Variants in TENM3 observed in about 807,000 individuals in gnomAD.
TENM3 encodes the protein teneurin-3.
TENM3 carries 63 observed loss-of-function variants against 255.1 expected under a neutral mutation model. That is an observed-to-expected ratio of 0.25 (90% CI 0.20 to 0.30). The LOEUF (loss-of-function observed/expected upper bound fraction) is 0.30, where lower values mean the gene tolerates loss of function less well. Ranked by LOEUF, TENM3 falls within the 10% of genes least tolerant of loss-of-function variation. The pLI, the probability that TENM3 is intolerant of heterozygous loss-of-function variation, is 1.00. For synonymous variants in TENM3, 1,306 were observed against 1,322.3 expected, an observed-to-expected ratio of 0.99 and a Z score of 0.27; for missense variants, 2,929 against 3,461.1, an observed-to-expected ratio of 0.85 and a Z score of 3.86.
intron 3 of TENM3, among the ~76,000 whole-genome samples, chr4:182,389,836 C>A (rs1768297066): frequency 6.6e-6 from 1 of 152,042 alleles, no homozygotes; most frequent in Non-Finnish European, 1.5e-5. Context: ...CAGGCGCCCG[C>A]CACCACTCCC....
intron 1 of TENM3, among the ~76,000 whole-genome samples, chr4:182,285,135 A>G (rs1380643976): frequency 6.6e-6 from 1 of 151,984 alleles, no homozygotes; most frequent in Non-Finnish European, 1.5e-5. Flanking sequence ...CTACTTTCCA[A>G]CGCTTTGATG....
At chr4:182,032,264 T>A in the TENM3 span, among the ~76,000 whole-genome samples, 2 of 152,204 alleles carry the variant, frequency 1.3e-5, no homozygotes, top group African/African-American at 4.8e-5. Context: ...TATGAAGGAA[T>A]GTTGAATTTT....
rs140810196 is a variant in TENM3, at chr4:182,442,217, A to G, written c.511+95288A>G. Among the ~76,000 whole-genome samples the G allele has an allele frequency of 1.2e-3, 183 of 152,360 alleles. 1 individual carries two copies. Among genetic ancestry groups the G allele is most frequent in the African/African-American group, 4.1e-3 (172 of 41,582 alleles). On this transcript the variant is annotated intron_variant, in intron 3 of 27. Coordinates refer to ENST00000511685, the MANE Select transcript of TENM3 (RefSeq NM_001080477.4). ...ACAAAGTCAGAAAATCCTGAAAAAC[A>G]CATTCTATATGACTATATCATGAAA...
At chr4:182,237,505 A>G (rs1269679487) in intron 1 of TENM3, among the ~76,000 whole-genome samples, 1 of 152,022 alleles carries the variant, frequency 6.6e-6, no homozygotes, top group African/African-American at 2.4e-5. Context: ...AGCTGAGACT[A>G]CAGGCACCCA....
chr4:182,144,129 C>G (rs562970127), upstream of TENM3: 256 of 152,440 alleles, frequency 1.7e-3, 2 homozygotes, highest in Admixed American at 5.5e-3. Context: ...CGTGATTGGG[C>G]TCTCCCGCGA....
chr4:182,716,739 G>A lies in TENM3; in HGVS notation c.2368+2506G>A, dbSNP rs113457867. 3.2e-3 allele frequency among the ~76,000 whole-genome samples: 480 copies of A among 152,290 alleles called. 1 individual carries two copies. Among genetic ancestry groups the A allele is most frequent in the African/African-American group, 0.011 (454 of 41,552 alleles). The stretch of plus-strand genomic sequence containing the variant: ...TGAAGACAGTCGAACAGAATGTTTA[G>A]GAACTATAAATCCACTCCTTATTTA... On this transcript the variant is annotated intron_variant, in intron 13 of 27. Coordinates refer to ENST00000511685, the MANE Select transcript of TENM3 (RefSeq NM_001080477.4).
chr4:181,979,399 A>G, the TENM3 span, among the ~76,000 whole-genome samples: 1 of 151,850 alleles, frequency 6.6e-6, no homozygotes. Context: ...TTCCCCCATC[A>G]AGGCAATTAT....
At chr4:181,837,524 G>T in the TENM3 span, among the ~76,000 whole-genome samples, 1 of 152,132 alleles carries the variant, frequency 6.6e-6, no homozygotes, top group South Asian at 2.1e-4. Context: ...TTAATTGCTA[G>T]ACTGTGCTGC....
At chr4:181,947,474 C>A in the TENM3 span, among the ~76,000 whole-genome samples, 1 of 152,088 alleles carries the variant, frequency 6.6e-6, no homozygotes, top group African/African-American at 2.4e-5. Context: ...TCTATTCTTC[C>A]CGTTTACTCT....
At chr4:182,388,867 T>C (rs1437878816) in intron 3 of TENM3, among the ~76,000 whole-genome samples, 3 of 152,210 alleles carry the variant, frequency 2.0e-5, no homozygotes, top group Non-Finnish European at 4.4e-5. Flanking sequence ...TTGTTGGCTC[T>C]GCAACAAGAG....
chr4:182,286,956 G>A (rs973883663), intron 1 of TENM3, among the ~76,000 whole-genome samples: 21 of 152,170 alleles, frequency 1.4e-4, no homozygotes, highest in African/African-American at 1.7e-4. Flanking sequence ...GACCAGGCAC[G>A]GTGGCTGACA....
chr4:182,646,479 C>G (rs971814196), intron 5 of TENM3, among the ~76,000 whole-genome samples: 1 of 152,176 alleles, frequency 6.6e-6, no homozygotes, highest in Non-Finnish European at 1.5e-5. Context: ...TGGCGACTCA[C>G]TCCTGTAATC....
At chr4:182,392,196 T>C (rs1161104284) in intron 3 of TENM3, among the ~76,000 whole-genome samples, 1 of 152,224 alleles carries the variant, frequency 6.6e-6, no homozygotes, top group East Asian at 1.9e-4. Flanking sequence ...GTTCTTCCTC[T>C]AAGCGGCTCT....
the TENM3 span, among the ~76,000 whole-genome samples, chr4:182,082,643 G>A: frequency 1.3e-5 from 2 of 152,176 alleles, no homozygotes; most frequent in African/African-American, 4.8e-5. Context: ...AAACAGAAGA[G>A]CTGCTACCTT....
the TENM3 span, among the ~76,000 whole-genome samples, chr4:182,028,815 T>TA: frequency 6.6e-6 from 1 of 152,184 alleles, no homozygotes; most frequent in African/African-American, 2.4e-5. Flanking sequence ...AGATGCTTGA[T>TA]ATTATTTCAA....
chr4:181,660,738 A>C, the TENM3 span, among the ~76,000 whole-genome samples: 1 of 152,204 alleles, frequency 6.6e-6, no homozygotes. Flanking sequence ...CATCTGCTTA[A>C]TGCCTCTTAC....
At chr4:181,922,687 T>C in the TENM3 span, among the ~76,000 whole-genome samples, 3 of 151,988 alleles carry the variant, frequency 2.0e-5, no homozygotes, top group Non-Finnish European at 4.4e-5. Context: ...AAAAACCAGC[T>C]CCTGGATTCA....
At chr4:181,845,128 C>T in the TENM3 span, among the ~76,000 whole-genome samples, 2 of 152,158 alleles carry the variant, frequency 1.3e-5, no homozygotes, top group African/African-American at 4.8e-5. Flanking sequence ...AAATATCCTA[C>T]TACATCGACT....
intron 3 of TENM3, among the ~76,000 whole-genome samples, chr4:182,388,076 A>G (rs1435245184): frequency 1.3e-5 from 2 of 152,100 alleles, no homozygotes; most frequent in African/African-American, 4.8e-5. Context: ...GCAAATTATG[A>G]GGAATTAAAC....
Sources: allele counts gnomAD v4.1 joint callset (sites outside exome capture counted in the v4.1 genomes callset), GRCh38; gene constraint gnomAD v4.1.1; transcripts MANE v1.5; gene names NCBI Gene and HGNC (gene_info 2026-07-23, HGNC 2026-07-21).